NRG3: variants seen among roughly 807,000 people sequenced by gnomAD.
The protein encoded by NRG3 is neuregulin 3.
A neutral mutation model predicts 66.9 loss-of-function variants in NRG3; 31 were observed. That is an observed-to-expected ratio of 0.46 (90% CI 0.35 to 0.63). The LOEUF (loss-of-function observed/expected upper bound fraction) is 0.63. Among genes scored for constraint, NRG3 ranks in the 20% least tolerant of loss-of-function variants. NRG3 has a pLI of 0.00. For missense variants in NRG3, 910 were observed against 878.9 expected, an observed-to-expected ratio of 1.04 and a Z score of -0.45; for synonymous variants, 393 against 359.4, an observed-to-expected ratio of 1.09 and a Z score of -1.06.
chr10:82,844,728 C>A (rs2063224812), intron 3 of NRG3, among the ~76,000 whole-genome samples: 1 of 147,610 alleles, frequency 6.8e-6, no homozygotes, highest in Admixed American at 6.8e-5. Flanking sequence ...AACTAAAAGA[C>A]TGATGAAGAC....
At chr10:82,507,144 C>T (rs992336810) in intron 2 of NRG3, among the ~76,000 whole-genome samples, 7 of 152,166 alleles carry the variant, frequency 4.6e-5, no homozygotes, top group African/African-American at 1.7e-4. Context: ...GATTTCAAGC[C>T]ATGCTGGGCC....
At chr10:81,895,451 T>C (rs1348597151) in intron 1 of NRG3, among the ~76,000 whole-genome samples, 1 of 152,190 alleles carries the variant, frequency 6.6e-6, no homozygotes, top group African/African-American at 2.4e-5. Flanking sequence ...CCCCTACCAA[T>C]TTAATTCAGG....
intron 1 of NRG3, among the ~76,000 whole-genome samples, chr10:82,165,215 G>T (rs1029317719): frequency 1.3e-5 from 2 of 151,538 alleles, no homozygotes; most frequent in African/African-American, 2.4e-5. Flanking sequence ...CAAATATTCA[G>T]TTTTTTTTCT....
chr10:82,478,885 C>T lies in NRG3; in HGVS notation c.953+120017C>T, dbSNP rs73305850. Reference sequence around the variant, plus strand: ...ATAATTGATTGGGCGAAGTGGATTACATTTCAATATTCAGACAGGCTCCTT... The same window carrying T: ...ATAATTGATTGGGCGAAGTGGATTATATTTCAATATTCAGACAGGCTCCTT... On this transcript the variant is annotated intron_variant, in intron 2 of 8. Coordinates refer to ENST00000372141, the MANE Select transcript of NRG3 (RefSeq NM_001010848.4). Among the ~76,000 whole-genome samples, 649 of 152,314 alleles carry T rather than the reference C, an allele frequency of 4.3e-3. 5 individuals carry two copies. Among genetic ancestry groups the T allele is most frequent in the African/African-American group, 0.015 (628 of 41,568 alleles).
chr10:82,173,251 A>G (rs980980046), intron 1 of NRG3, among the ~76,000 whole-genome samples: 1 of 151,812 alleles, frequency 6.6e-6, no homozygotes, highest in African/African-American at 2.4e-5. Context: ...AAAAAGGCCA[A>G]TGTAGCCAGA....
Position 81,959,879 on chromosome 10 carries a change from G to T in NRG3, c.823+83716G>T, listed in dbSNP as rs536895275. Reference sequence around the variant, plus strand: ...ATATATGTAGAGTGTAATGTATTGTGTAAGTTTATTTATTTTTTCCCTAAA... The same window carrying T: ...ATATATGTAGAGTGTAATGTATTGTTTAAGTTTATTTATTTTTTCCCTAAA... On this transcript the variant is annotated intron_variant, in intron 1 of 8. Transcript: ENST00000372141. Among the ~76,000 whole-genome samples the T allele has an allele frequency of 3.3e-5, 5 of 152,192 alleles. No homozygotes were observed. The South Asian group carries it at 1.0e-3, about 32-fold the overall frequency.
intron 1 of NRG3, among the ~76,000 whole-genome samples, chr10:81,901,624 C>T (rs1462535188): frequency 6.6e-6 from 1 of 152,048 alleles, no homozygotes; most frequent in African/African-American, 2.4e-5. Context: ...ATACCGATTG[C>T]ATCACTGCAT....
In NRG3 at chr10:82,387,038, G is replaced by T. The variant is rs149398517; in HGVS notation, c.953+28170G>T. 4.1e-3 allele frequency among the ~76,000 whole-genome samples: 621 copies of T among 152,318 alleles called. 6 individuals carry two copies. The highest frequency in any genetic ancestry group is 0.015 in the African/African-American group (609 of 41,574). Reference sequence around the variant, plus strand: ...TGGTCTCGAACTCCTGACTTCAAGTGATCTGCCCGCCTTGGCCTCACAAAG... The same window carrying T: ...TGGTCTCGAACTCCTGACTTCAAGTTATCTGCCCGCCTTGGCCTCACAAAG... On this transcript the variant is annotated intron_variant, in intron 2 of 8. Coordinates refer to ENST00000372141, the MANE Select transcript of NRG3 (RefSeq NM_001010848.4).
chr10:82,885,153 G>T (rs1221667467), intron 4 of NRG3, among the ~76,000 whole-genome samples: 1 of 152,134 alleles, frequency 6.6e-6, no homozygotes, highest in Admixed American at 6.5e-5. Flanking sequence ...TCTTCTGCCC[G>T]TAACTACAAC....
intron 2 of NRG3, among the ~76,000 whole-genome samples, chr10:82,695,840 A>T (rs1477962871): frequency 6.6e-6 from 1 of 152,090 alleles, no homozygotes; most frequent in East Asian, 1.9e-4. Flanking sequence ...CACTTATGTC[A>T]TTTTGAAGTA....
chr10:82,958,171 G>A (rs1850258987), intron 5 of NRG3, among the ~76,000 whole-genome samples: 1 of 152,208 alleles, frequency 6.6e-6, no homozygotes, highest in Non-Finnish European at 1.5e-5. Flanking sequence ...ATTCTGAGTG[G>A]TGGTTGAAGA....
intron 3 of NRG3, among the ~76,000 whole-genome samples, chr10:82,797,893 T>C (rs2060868790): frequency 6.6e-6 from 1 of 152,118 alleles, no homozygotes; most frequent in South Asian, 2.1e-4. Flanking sequence ...CCTGGTTTTG[T>C]TGTTAGTACA....
intron 3 of NRG3, among the ~76,000 whole-genome samples, chr10:82,797,232 C>T (rs950882220): frequency 1.1e-4 from 17 of 152,198 alleles, no homozygotes; most frequent in African/African-American, 4.1e-4. Flanking sequence ...ATTCATGGCT[C>T]TTCATCACTG....
chr10:82,136,416 T>C (rs1335138227), intron 1 of NRG3, among the ~76,000 whole-genome samples: 1 of 152,044 alleles, frequency 6.6e-6, no homozygotes, highest in African/African-American at 2.4e-5. Flanking sequence ...TTCTCTTTAT[T>C]GATGTGAGCT....
At chr10:82,580,908 TG>T (rs2046320960) in intron 2 of NRG3, among the ~76,000 whole-genome samples, 1 of 119,024 alleles carries the variant, frequency 8.4e-6, no homozygotes, top group South Asian at 2.6e-4. Flanking sequence ...AGTTTGTGTG[TG>T]TGTGTGTGTG....
At chr10:82,834,376 C>A (rs900085672) in intron 3 of NRG3, among the ~76,000 whole-genome samples, 1 of 152,154 alleles carries the variant, frequency 6.6e-6, no homozygotes, top group Non-Finnish European at 1.5e-5. Context: ...TTATCCTTGA[C>A]CTTTTTAGTT....
intron 2 of NRG3, among the ~76,000 whole-genome samples, chr10:82,477,988 A>C (rs1453205457): frequency 6.6e-6 from 1 of 152,186 alleles, no homozygotes; most frequent in East Asian, 1.9e-4. Flanking sequence ...GGTTGGAATT[A>C]ATTGTCAGAA....
intron 2 of NRG3, among the ~76,000 whole-genome samples, chr10:82,624,111 A>G (rs2049238946): frequency 6.6e-6 from 1 of 152,202 alleles, no homozygotes; most frequent in Non-Finnish European, 1.5e-5. Flanking sequence ...TGAAAGGCCA[A>G]TCTAGATAAG....
intron 2 of NRG3, among the ~76,000 whole-genome samples, chr10:82,662,808 A>C (rs1212978088): frequency 6.6e-6 from 1 of 152,170 alleles, no homozygotes; most frequent in Non-Finnish European, 1.5e-5. Context: ...AGTCAACAGC[A>C]GGTATAAAGG....
Sources: allele counts gnomAD v4.1 joint callset (sites outside exome capture counted in the v4.1 genomes callset), GRCh38; gene constraint gnomAD v4.1.1; transcripts MANE v1.5; gene names NCBI Gene and HGNC (gene_info 2026-07-23, HGNC 2026-07-21).